The following DYNC1H1 variants were observed in gnomAD, a reference collection of about 807,000 sequenced individuals.
The protein encoded by DYNC1H1 is dynein cytoplasmic 1 heavy chain 1.
Under a neutral mutation model 527.1 loss-of-function variants are expected in DYNC1H1, and 51 were observed. The observed-to-expected ratio is 0.10, with a 90% CI of 0.08 to 0.12. The LOEUF is 0.12. Ranked by LOEUF, DYNC1H1 falls within the 10% of genes least tolerant of loss-of-function variation. DYNC1H1 has a pLI of 1.00. For missense variants in DYNC1H1, 2,771 were observed against 5,971.8 expected (o/e 0.46, Z 17.66); for synonymous variants, 2,189 against 2,278.8 (o/e 0.96, Z 1.12).
chr14:102,028,498 G>C, intron 48 of DYNC1H1: 2 of 351,548 alleles, frequency 5.7e-6, no homozygotes, highest in Non-Finnish European at 5.5e-6. Context: ...CTGGGCAACA[G>C]AGCAAGACCC....
At chr14:102,023,235 C>G in intron 43 of DYNC1H1, 1 of 356,042 alleles carries the variant, frequency 2.8e-6, no homozygotes, top group South Asian at 2.2e-5. Context: ...GAGCAAAACC[C>G]TGTTTCAAAA....
At chr14:102,037,960 T>C (rs1305375602) in intron 57 of DYNC1H1, 1 of 282,324 alleles carries the variant, frequency 3.5e-6, no homozygotes, top group Non-Finnish European at 6.8e-6. Flanking sequence ...GCCACTAGCC[T>C]TGGGGGCTAC....
chr14:101,967,503 T>G (rs1259615309), intron 1 of DYNC1H1, among the ~76,000 whole-genome samples: 1 of 152,244 alleles, frequency 6.6e-6, no homozygotes, highest in Non-Finnish European at 1.5e-5. Context: ...TATTTGTTTG[T>G]TTGTTTTAGC....
At chr14:101,972,541 A>C (rs1179267968) in intron 1 of DYNC1H1, among the ~76,000 whole-genome samples, 1 of 152,244 alleles carries the variant, frequency 6.6e-6, no homozygotes, top group Non-Finnish European at 1.5e-5. Flanking sequence ...GCATTGCAGT[A>C]TTCCCAGGGC....
In DYNC1H1 at chr14:102,002,629, C is replaced by T. The variant is rs1416911485; in HGVS notation, c.4635C>T (p.Val1545=). The change falls in exon 22 of 78, where the codon GTC becomes GTT. Residue 1545 remains valine, a synonymous_variant. Transcript: ENST00000360184. This position sits in a 1 kb window ranked among gnomAD's most constrained non-coding sequence, Gnocchi z 4.4. ...GGATTGATGTGCAGAGGCGGTGGGT[C>T]TACCTGGAAGGTATCTTCACAGGCA... is the stretch of plus-strand genomic sequence containing the variant. ...DVWIDVQRRW[V]YLEGIFTGSA... 1.2e-6 allele frequency: 2 copies of T among 1,614,050 alleles called. No individual in the cohort carries two copies. Among genetic ancestry groups the T allele is most frequent in the Non-Finnish European group, 1.7e-6 (2 of 1,180,046 alleles).
At position 102,027,515 on chromosome 14, in the gene DYNC1H1, C is replaced by A. The variant is rs181567525; in HGVS notation, c.9019C>A (p.Arg3007=). Residue 3007 remains arginine (R), a synonymous_variant, in exon 46 of 78, where the codon CGA becomes AGA. Coordinates refer to ENST00000360184, the MANE Select transcript of DYNC1H1 (RefSeq NM_001376.5). The surrounding 1 kb of genome is among the most constrained non-coding windows in gnomAD (Gnocchi z 7.7). The part of the protein sequence containing the change: ...SNVLDSGFLE[R]MNTLLANGEV... ...TGTGTTAGATTCTGGATTCCTGGAG[C>A]GAATGAATACCCTTCTGGCCAATGG... The A allele has an allele frequency of 6.2e-7, 1 of 1,614,068 alleles. No individual in the cohort carries two copies. The highest frequency in any genetic ancestry group is 1.3e-5 in the African/African-American group (1 of 75,002).
In DYNC1H1 at chr14:102,028,946, C is replaced by T. The variant is rs2152589789; in HGVS notation, c.9469-593C>T. 1.8e-5 allele frequency: 3 copies of T among 166,160 alleles called. 1 individual carries two copies. The highest frequency in any genetic ancestry group is 1.7e-4 in the Admixed American group (3 of 18,012). 10.3% of individuals were successfully genotyped at this position (166,160 alleles called of 1,614,324 possible). A position where few individuals can be genotyped will look rare whatever the true frequency, so the allele number is the denominator to read the frequency against. On this transcript the variant is annotated intron_variant, in intron 48 of 77. Coordinates refer to ENST00000360184, the MANE Select transcript of DYNC1H1 (RefSeq NM_001376.5). ...ATTACTGAAAAATGCAAGGCTTGGC[C>T]TGCTAACCATGTTTTGCTAATCCTT...
rs780154749 is a variant in DYNC1H1 at position 102,044,741 on chromosome 14, GGGTCCCCTC to G, written c.13006+44_13006+52del. On this transcript the variant is annotated intron_variant, in intron 72 of 77. Transcript: ENST00000360184. This position sits in a 1 kb window ranked among gnomAD's most constrained non-coding sequence, Gnocchi z 7.1. ...TCCCCACACGCAGGGTGGGTGGCGA[GGGTCCCCTC>G]ACGCGGGGTGGGTGGCGAGGGTCCC... The G allele has an allele frequency of 7.2e-7, 1 of 1,397,418 alleles. No homozygotes were observed. The highest frequency in any genetic ancestry group is 9.8e-7 in the Non-Finnish European group (1 of 1,020,318). 86.6% of individuals were successfully genotyped at this position (1,397,418 alleles called of 1,614,324 possible).
chr14:102,019,791 A>C, intron 41 of DYNC1H1, 102 bp from the exon 42 acceptor site: 3 of 1,434,452 alleles, frequency 2.1e-6, no homozygotes, highest in Non-Finnish European at 2.9e-6. Flanking sequence ...TTCAGGGTCT[A>C]GGTTCTTTAA....
chr14:101,982,421 G>A (rs931329417), intron 5 of DYNC1H1, among the ~76,000 whole-genome samples: 12 of 152,078 alleles, frequency 7.9e-5, no homozygotes, highest in East Asian at 1.9e-4. Context: ...GTGAAACCCC[G>A]TGTTTGTAAA....
chr14:102,044,832 G>A lies in DYNC1H1; in HGVS notation c.13006+134G>A. 5.6e-6 allele frequency: 6 copies of A among 1,066,062 alleles called. No individual in the cohort carries two copies. Among genetic ancestry groups the A allele is most frequent in the Non-Finnish European group, 8.3e-6 (6 of 722,182 alleles). The allele number at this position is 1,066,062 out of a possible 1,614,324, so 66.0% of individuals were successfully genotyped here. ...AGGGCCCTCCCTGGTTATGCTGGGTGTGGCTCTGTCAGCCTCGGCCTTCCT... is the reference window on the plus strand; with the variant it reads ...AGGGCCCTCCCTGGTTATGCTGGGTATGGCTCTGTCAGCCTCGGCCTTCCT... On this transcript the variant is annotated intron_variant, in intron 72 of 77. Coordinates refer to ENST00000360184, the MANE Select transcript of DYNC1H1 (RefSeq NM_001376.5). This position sits in a 1 kb window ranked among gnomAD's most constrained non-coding sequence, Gnocchi z 7.1.
chr14:101,970,508 C>T (rs1474518774), intron 1 of DYNC1H1, among the ~76,000 whole-genome samples: 3 of 89,176 alleles, frequency 3.4e-5, no homozygotes, highest in African/African-American at 1.1e-4. Context: ...TTTGAGATGG[C>T]GTCTTGCTCT....
In DYNC1H1 at chr14:101,964,828, G is replaced by T. The variant is rs1566991081; in HGVS notation, c.137G>T (p.Gly46Val). 1 of 1,601,186 alleles carries T rather than the reference G, an allele frequency of 6.2e-7. No homozygotes were observed. Among genetic ancestry groups the T allele is most frequent in the African/African-American group, 1.3e-5 (1 of 74,908 alleles). ...KLVPLLLEDGGEAPAALEAAL... is the reference protein window; with the variant it reads ...KLVPLLLEDGVEAPAALEAAL... ...GTGCCGCTGCTGCTGGAGGACGGCG[G>T]CGAGGCGCCGGCCGCGCTGGAGGCG... The change falls in exon 1 of 78, where the codon GGC becomes GTC. Residue 46 changes from glycine to valine, a missense_variant. Physicochemically the swap from Gly to Val is moderately radical, Grantham distance 109. Coordinates refer to ENST00000360184, the MANE Select transcript of DYNC1H1 (RefSeq NM_001376.5). The surrounding 1 kb of genome is among the most constrained non-coding windows in gnomAD (Gnocchi z 5.5).
At chr14:102,040,482 T>C (rs2048635186) in intron 63 of DYNC1H1, 72 bp downstream of exon 63, 1 of 1,612,740 alleles carries the variant, frequency 6.2e-7, no homozygotes, top group African/African-American at 1.3e-5. Context: ...GAATTGCATG[T>C]GGTATAAAAC....
rs2048136450 is a variant in DYNC1H1 at position 102,002,023 on chromosome 14, C to T, written c.4542+342C>T. ...CCTGGGCTTAAGCAGTCCTTCTGCACTGGCCTCCTAAAGTGCCGGGATTAC... is the reference window on the plus strand; with the variant it reads ...CCTGGGCTTAAGCAGTCCTTCTGCATTGGCCTCCTAAAGTGCCGGGATTAC... On this transcript the variant is annotated intron_variant, in intron 21 of 77. Coordinates refer to ENST00000360184, the MANE Select transcript of DYNC1H1 (RefSeq NM_001376.5). The surrounding 1 kb of genome is among the most constrained non-coding windows in gnomAD (Gnocchi z 4.4). Among the ~76,000 whole-genome samples, 1 of 152,112 alleles carries T rather than the reference C, an allele frequency of 6.6e-6. No individual in the cohort carries two copies. The highest frequency in any genetic ancestry group is 1.5e-5 in the Non-Finnish European group (1 of 68,012).
At position 101,965,221 on chromosome 14, in the gene DYNC1H1, CG is replaced by C. The variant is rs1324295172; in HGVS notation, c.256+278del. Among the ~76,000 whole-genome samples the C allele has an allele frequency of 1.3e-5, 2 of 152,106 alleles. No homozygotes were observed. The highest frequency in any genetic ancestry group is 3.9e-4 in the East Asian group (2 of 5,188). ...CCCCAGGGCGCCCCGCTCCTGGTCGCGGGGAGGGGAAAGGGGTCCCCGTCTG... is the reference window on the plus strand; with the variant it reads ...CCCCAGGGCGCCCCGCTCCTGGTCGCGGGAGGGGAAAGGGGTCCCCGTCTG... On this transcript the variant is annotated intron_variant, in intron 1 of 77. Coordinates refer to ENST00000360184, the MANE Select transcript of DYNC1H1 (RefSeq NM_001376.5). This position sits in a 1 kb window ranked among gnomAD's most constrained non-coding sequence, Gnocchi z 4.1.
Position 102,026,660 on chromosome 14 carries a change from G to A in DYNC1H1, c.8724G>A (p.Pro2908=), listed in dbSNP as rs372672149. ...KVFYEEELDV[P]LVLFNEVLDH... is the part of the protein sequence containing the mutation. ...TTTATGAAGAAGAACTTGATGTTCC[G>A]CTGGTGCTGTTTAATGAAGTCCTAG... is the stretch of plus-strand genomic sequence containing the variant. Residue 2908 remains proline (P), a synonymous_variant, in exon 44 of 78, where the codon CCG becomes CCA. Coordinates refer to ENST00000360184, the MANE Select transcript of DYNC1H1 (RefSeq NM_001376.5). 24 of 1,614,132 alleles carry A rather than the reference G, an allele frequency of 1.5e-5. No homozygotes were observed. Among genetic ancestry groups the A allele is most frequent in the East Asian group, 2.2e-5 (1 of 44,880 alleles).
Position 102,051,470 on chromosome 14 carries a change from T to C in DYNC1H1, c.*907T>C, listed in dbSNP as rs2048810335. 1 of 152,096 alleles carries C rather than the reference T, an allele frequency of 6.6e-6. No homozygotes were observed. The allele number at this position is 152,096 out of a possible 1,614,324, so 9.4% of individuals were successfully genotyped here. A position where few individuals can be genotyped will look rare whatever the true frequency, so the allele number is the denominator to read the frequency against. On this transcript the variant is annotated 3_prime_UTR_variant, in exon 78 of 78. Transcript: ENST00000360184. The stretch of plus-strand genomic sequence containing the variant: ...AGGCAGCCCCCAGCCGCTTGTGTTC[T>C]TGACCAGGGCCCCAGGACTTGGCTC...
rs1009279366 is a variant in DYNC1H1 at position 102,002,342 on chromosome 14, T to G, written c.4543-195T>G. Among the ~76,000 whole-genome samples the G allele has an allele frequency of 6.6e-6, 1 of 151,684 alleles. No individual in the cohort carries two copies. Among genetic ancestry groups the G allele is most frequent in the African/African-American group, 2.4e-5 (1 of 41,272 alleles). On this transcript the variant is annotated intron_variant, in intron 21 of 77. Transcript: ENST00000360184. This position sits in a 1 kb window ranked among gnomAD's most constrained non-coding sequence, Gnocchi z 4.4. ...GCCAGGCTGGTCTCAAACTTCTGACTTCAAGTGATCCACCCGCCTCGGCCT... is the reference window on the plus strand; with the variant it reads ...GCCAGGCTGGTCTCAAACTTCTGACGTCAAGTGATCCACCCGCCTCGGCCT...
Sources: gnomAD v4.1 joint callset for allele counts (sites outside exome capture counted in the v4.1 genomes callset) on GRCh38, gnomAD v4.1.1 for gene constraint, Gnocchi (gnomAD v3.1) non-coding constraint, MANE v1.5 for transcripts, NCBI Gene and HGNC (gene_info 2026-07-23, HGNC 2026-07-21) for gene names.